The following ZNF608 variants were observed in gnomAD, a reference collection of about 807,000 sequenced individuals.
The protein encoded by ZNF608 is renal carcinoma antigen NY-REN-36.
In ZNF608, 12 loss-of-function variants were observed where a neutral mutation model predicts 109.0. That is an observed-to-expected ratio of 0.11 (90% CI 0.07 to 0.18). The LOEUF is 0.18. ZNF608 is among the 10% of genes least tolerant of loss of function. The pLI is 1.00. For missense variants in ZNF608, 1,707 were observed against 1,879.3 expected (o/e 0.91, Z 1.70); for synonymous variants, 732 against 717.4 (o/e 1.02, Z -0.33).
At chr5:124,643,871 G>C (rs1300445667) in intron 6 of ZNF608, among the ~76,000 whole-genome samples, 188 bp from the exon 7 acceptor site, 2 of 152,190 alleles carry the variant, frequency 1.3e-5, no homozygotes, top group African/African-American at 2.4e-5. Flanking sequence ...AATTCATCCT[G>C]ATGAAGGGAG....
intron 3 of ZNF608, among the ~76,000 whole-genome samples, chr5:124,677,682 C>T (rs79930568): frequency 3.9e-3 from 600 of 152,192 alleles, no homozygotes; most frequent in African/African-American, 0.014. Flanking sequence ...ACAAGCAAAT[C>T]GCTTCTTCTG....
intron 3 of ZNF608, among the ~76,000 whole-genome samples, chr5:124,681,750 A>C (rs1003949868): frequency 3.3e-5 from 5 of 152,176 alleles, no homozygotes; most frequent in Non-Finnish European, 7.3e-5. Flanking sequence ...CCTGACTCTA[A>C]AAAAGGACTC....
intron 2 of ZNF608, among the ~76,000 whole-genome samples, chr5:124,717,295 G>C (rs1029743360): frequency 6.6e-6 from 1 of 151,284 alleles, no homozygotes; most frequent in African/African-American, 2.4e-5. Flanking sequence ...GAGAAACCCT[G>C]TCTCTACTAA....
chr5:124,654,259 C>A (rs1750914631), intron 3 of ZNF608, among the ~76,000 whole-genome samples: 1 of 151,954 alleles, frequency 6.6e-6, no homozygotes, highest in African/African-American at 2.4e-5. Flanking sequence ...TGGCCTCAAG[C>A]AATCCTCCCC....
chr5:124,746,631 G>T lies in ZNF608; in HGVS notation c.-620C>A. The T allele has an allele frequency of 2.0e-6, 2 of 985,368 alleles. No homozygotes were observed. The highest frequency in any genetic ancestry group is 2.4e-6 in the Non-Finnish European group (2 of 829,928). The allele number at this position is 985,368 out of a possible 1,614,324, so 61.0% of individuals were successfully genotyped here. ...CCATGTAGCAAACCTACAGGCGTCC[G>T]CTAGTAACGAGACAGAATGTGCTAA... On this transcript the variant is annotated 5_prime_UTR_variant, in exon 1 of 10. Coordinates refer to ENST00000513986, the MANE Select transcript of ZNF608 (RefSeq NM_020747.3).
At chr5:124,709,185 A>AT in intron 2 of ZNF608, among the ~76,000 whole-genome samples, 1 of 150,392 alleles carries the variant, frequency 6.6e-6, no homozygotes, top group Non-Finnish European at 1.5e-5. Context: ...AAAAAAAAAA[A>AT]AAAAAAAAAA....
At chr5:124,742,023 G>A (rs1749431558) in intron 2 of ZNF608, among the ~76,000 whole-genome samples, 2 of 152,246 alleles carry the variant, frequency 1.3e-5, no homozygotes, top group South Asian at 4.1e-4. Context: ...ATTGCAGTGT[G>A]CTTTCTTCCC....
At chr5:124,707,055 C>T (rs1753291389) in intron 2 of ZNF608, among the ~76,000 whole-genome samples, 1 of 152,170 alleles carries the variant, frequency 6.6e-6, no homozygotes, top group Non-Finnish European at 1.5e-5. Context: ...TCTCCGTTCA[C>T]CTTCTTTCAA....
chr5:124,666,923 T>A (rs566296307), intron 3 of ZNF608, among the ~76,000 whole-genome samples: 2 of 151,840 alleles, frequency 1.3e-5, no homozygotes, highest in Non-Finnish European at 2.9e-5. Context: ...AATGAAAAAA[T>A]TTAATAAAAA....
intron 3 of ZNF608, among the ~76,000 whole-genome samples, chr5:124,697,505 T>C (rs993622687): frequency 1.3e-5 from 2 of 152,200 alleles, no homozygotes; most frequent in Non-Finnish European, 2.9e-5. Flanking sequence ...ATTGGTCCTA[T>C]GCATTTACCT....
intron 9 of ZNF608, 82 bp downstream of exon 9, chr5:124,639,051 G>T: frequency 7.3e-7 from 1 of 1,369,770 alleles, no homozygotes; most frequent in Admixed American, 2.0e-5. Context: ...TAAGTTTTTG[G>T]TCTAAAAATC....
intron 3 of ZNF608, among the ~76,000 whole-genome samples, chr5:124,662,936 C>T (rs926148960): frequency 1.3e-5 from 2 of 152,306 alleles, no homozygotes; most frequent in Non-Finnish European, 1.5e-5. Context: ...AATGCTAACA[C>T]TTGGGGGTTG....
chr5:124,692,659 A>C (rs1393686933), intron 3 of ZNF608, among the ~76,000 whole-genome samples: 4 of 152,224 alleles, frequency 2.6e-5, no homozygotes, highest in African/African-American at 9.6e-5. Context: ...GAAATCCAGA[A>C]CACCCAGGAA....
intron 2 of ZNF608, chr5:124,710,398 T>C (rs957551611): frequency 2.2e-5 from 8 of 367,548 alleles, no homozygotes; most frequent in Admixed American, 3.7e-5. Flanking sequence ...ATGCTGGTCA[T>C]AACAAATTAA....
In ZNF608 at chr5:124,701,168, A is replaced by G; in HGVS notation, c.1008T>C (p.Ile336=). Residue 336 remains isoleucine, a synonymous_variant, in exon 3 of 10, where the codon ATT becomes ATC. Coordinates refer to ENST00000513986, the MANE Select transcript of ZNF608 (RefSeq NM_020747.3). The part of the protein sequence containing the change: ...PSYFSPSSSN[I]AAPVEQLLVR... The stretch of plus-strand genomic sequence containing the variant: ...CCAAAAGCTGTTCAACCGGTGCTGC[A>G]ATATTGGATGAAGATGGGGAAAAGT... The G allele has an allele frequency of 6.2e-7, 1 of 1,614,122 alleles. No homozygotes were observed.
In ZNF608 at chr5:124,648,973, G is replaced by A. The variant is rs1178367769; in HGVS notation, c.1411C>T (p.Arg471Trp). The A allele has an allele frequency of 3.7e-6, 6 of 1,614,086 alleles. No homozygotes were observed. Among genetic ancestry groups the A allele is most frequent in the Non-Finnish European group, 5.1e-6 (6 of 1,180,012 alleles). ...NRGGANGKGR[R>W]GSLNASGRRT... Reference sequence around the variant, plus strand: ...CGTCCGCTGGCATTGAGGCTGCCCCGCCTCCCTTTCCCATTGGCCCCCCCT... The same window carrying A: ...CGTCCGCTGGCATTGAGGCTGCCCCACCTCCCTTTCCCATTGGCCCCCCCT... Residue 471 changes from arginine (R) to tryptophan (W), a missense_variant, in exon 5 of 10, where the codon CGG becomes TGG. Transcript: ENST00000513986.
Position 124,649,008 on chromosome 5 carries a change from T to C in ZNF608, c.1376A>G (p.Asn459Ser), listed in dbSNP as rs769596665. 1 of 1,614,206 alleles carries C rather than the reference T, an allele frequency of 6.2e-7. No homozygotes were observed. The highest frequency in any genetic ancestry group is 1.1e-5 in the South Asian group (1 of 91,082). ...ASFTESRGLQ[N>S]KNRGGANGKG... ...CCCATTGGCCCCCCCTCTGTTCTTA[T>C]TCTGCAGCCCTCTGGACTCTGTGAA... The change falls in exon 5 of 10, where the codon AAT becomes AGT. Residue 459 changes from asparagine to serine, a missense_variant. Asn to Ser is a conservative substitution (Grantham distance 46). Coordinates refer to ENST00000513986, the MANE Select transcript of ZNF608 (RefSeq NM_020747.3).
At chr5:124,641,020 T>C (rs1298200973) in intron 8 of ZNF608, among the ~76,000 whole-genome samples, 1 of 152,198 alleles carries the variant, frequency 6.6e-6, no homozygotes, top group East Asian at 1.9e-4. Context: ...AACAGTAAGC[T>C]GCCGATAACA....
chr5:124,674,129 C>T (rs908234063), intron 3 of ZNF608, among the ~76,000 whole-genome samples: 1 of 152,156 alleles, frequency 6.6e-6, no homozygotes, highest in Non-Finnish European at 1.5e-5. Context: ...TAAACATTCT[C>T]CTGTAGATTC....
Sources: gnomAD v4.1 joint callset for allele counts (sites outside exome capture counted in the v4.1 genomes callset) on GRCh38, gnomAD v4.1.1 for gene constraint, MANE v1.5 for transcripts, NCBI Gene and HGNC (gene_info 2026-07-23, HGNC 2026-07-21) for gene names.